Variants in LRFN5 observed in about 807,000 individuals in gnomAD.
The protein encoded by LRFN5 is leucine-rich repeat and fibronectin type-III domain-containing protein 5.
In LRFN5, 24 loss-of-function variants were observed where a neutral mutation model predicts 45.6. The ratio of observed to expected loss-of-function variants is 0.53; its 90% CI spans 0.38 to 0.74. The LOEUF is 0.74. LRFN5 is among the 30% of genes least tolerant of loss of function. The probability of loss-of-function intolerance (pLI) is 0.00; values close to 1 mark genes in which losing one functional copy is unlikely to be tolerated. For missense variants in LRFN5, 776 were observed against 861.5 expected, an observed-to-expected ratio of 0.90 and a Z score of 1.24; for synonymous variants, 340 against 313.8, an observed-to-expected ratio of 1.08 and a Z score of -0.88.
intron 2 of LRFN5, among the ~76,000 whole-genome samples, chr14:41,862,606 A>T (rs546389966): frequency 1.3e-5 from 2 of 152,286 alleles, no homozygotes; most frequent in South Asian, 4.1e-4. Flanking sequence ...TTATACATGC[A>T]CATACAACAT....
chr14:41,685,042 T>G (rs970205997), intron 1 of LRFN5, among the ~76,000 whole-genome samples: 1 of 152,156 alleles, frequency 6.6e-6, no homozygotes, highest in African/African-American at 2.4e-5. Context: ...AACTGGTATG[T>G]GAAAAGGTGC....
At chr14:41,646,734 T>C (rs978022413) in intron 1 of LRFN5, among the ~76,000 whole-genome samples, 29 of 152,256 alleles carry the variant, frequency 1.9e-4, no homozygotes, top group African/African-American at 6.8e-4. Flanking sequence ...ATGCTGTGCA[T>C]GACAATGCTC....
intron 2 of LRFN5, among the ~76,000 whole-genome samples, chr14:41,782,146 G>C (rs1886551502): frequency 6.6e-6 from 1 of 151,738 alleles, no homozygotes; most frequent in South Asian, 2.1e-4. Flanking sequence ...TCCTTCTGCT[G>C]TTCCAGACTT....
intron 2 of LRFN5, among the ~76,000 whole-genome samples, chr14:41,873,570 C>G (rs1172128732): frequency 6.6e-6 from 1 of 152,116 alleles, no homozygotes; most frequent in Non-Finnish European, 1.5e-5. Flanking sequence ...TTTATACCCT[C>G]AGTAAATTCA....
At chr14:41,768,604 A>G (rs4904788) in intron 2 of LRFN5, among the ~76,000 whole-genome samples, 29,480 of 152,046 alleles carry the variant, frequency 0.19, 3,405 homozygotes, top group East Asian at 0.54. Flanking sequence ...GAGACAGAGG[A>G]CACTGTCCAA....
chr14:41,701,557 G>A (rs1882842070), intron 1 of LRFN5: 1 of 152,182 alleles, frequency 6.6e-6, no homozygotes, highest in South Asian at 2.1e-4. Flanking sequence ...GTAAGTGGAC[G>A]TTTCTGATTT....
rs80126610 is a variant in LRFN5, at chr14:41,876,017, A to C, written c.-20-10589A>C. On this transcript the variant is annotated intron_variant, in intron 2 of 5. Transcript: ENST00000298119. ...TACATATATAACCTGAAAGATACAT[A>C]TGTATACATGTAAGGGAGATATCCC... is the stretch of plus-strand genomic sequence containing the variant. Among the ~76,000 whole-genome samples the C allele has an allele frequency of 2.1e-3, 315 of 152,234 alleles. 5 individuals are homozygous for C. The highest frequency in any genetic ancestry group is 7.4e-3 in the African/African-American group (307 of 41,546).
intron 2 of LRFN5, among the ~76,000 whole-genome samples, chr14:41,794,845 G>T (rs1887061302): frequency 6.6e-6 from 1 of 151,978 alleles, no homozygotes; most frequent in Admixed American, 6.6e-5. Flanking sequence ...GGGTTTTCTT[G>T]TTCCATATTT....
chr14:41,681,968 G>A (rs1476969250), intron 1 of LRFN5, among the ~76,000 whole-genome samples: 6 of 151,720 alleles, frequency 4.0e-5, no homozygotes, highest in South Asian at 2.1e-4. Flanking sequence ...ACAGGCGTGC[G>A]CCATCATGCC....
intron 4 of LRFN5, among the ~76,000 whole-genome samples, 177 bp from the exon 5 acceptor site, chr14:41,898,740 A>G (rs1891015915): frequency 6.6e-6 from 1 of 152,064 alleles, no homozygotes; most frequent in African/African-American, 2.4e-5. Flanking sequence ...GAACTGAAAT[A>G]TTATAAAAGT....
chr14:41,681,654 G>T (rs745683341), intron 1 of LRFN5, among the ~76,000 whole-genome samples: 27 of 151,906 alleles, frequency 1.8e-4, no homozygotes, highest in Non-Finnish European at 3.2e-4. Context: ...GAGTTCTTCA[G>T]ACTGAAAGAA....
intron 2 of LRFN5, among the ~76,000 whole-genome samples, chr14:41,859,248 T>C (rs1353666880): frequency 6.6e-6 from 1 of 152,188 alleles, no homozygotes; most frequent in Middle Eastern, 3.2e-3. Context: ...CTACATGTCA[T>C]GAAAAATCAG....
chr14:41,608,374 C>A lies in LRFN5; in HGVS notation c.-385C>A, dbSNP rs544592515. ...TCCCCCACCCAGAGCGACCTGCGGG[C>A]AGCGGCGGCAGTGGCAGGAGCCGCC... On this transcript the variant is annotated 5_prime_UTR_variant, in exon 1 of 6. Transcript: ENST00000298119. 1.7e-3 allele frequency: 258 copies of A among 152,868 alleles called. 1 individual carries two copies. Among genetic ancestry groups the A allele is most frequent in the Middle Eastern group, 0.01 (3 of 294 alleles). 9.5% of individuals were successfully genotyped at this position (152,868 alleles called of 1,614,324 possible).
At chr14:41,626,153 T>TA (rs1888323819) in intron 1 of LRFN5, among the ~76,000 whole-genome samples, 1 of 152,112 alleles carries the variant, frequency 6.6e-6, no homozygotes, top group African/African-American at 2.4e-5. Context: ...CTTGTTAATG[T>TA]AAAAATTCAT....
intron 1 of LRFN5, chr14:41,700,574 G>T (rs10141927): frequency 0.27 from 41,583 of 151,588 alleles, 5,738 homozygotes; most frequent in South Asian, 0.38. Context: ...GCATGTGTAA[G>T]ACAGAAAAGA....
At chr14:41,801,787 G>T (rs1887344286) in intron 2 of LRFN5, among the ~76,000 whole-genome samples, 1 of 152,148 alleles carries the variant, frequency 6.6e-6, no homozygotes, top group Non-Finnish European at 1.5e-5. Flanking sequence ...ATGAAAGAAT[G>T]CCTTAAAAAC....
chr14:41,640,758 CAAAT>C (rs1879537991), intron 1 of LRFN5, among the ~76,000 whole-genome samples: 1 of 152,064 alleles, frequency 6.6e-6, no homozygotes, highest in Non-Finnish European at 1.5e-5. Flanking sequence ...CTGTAACAAA[CAAAT>C]AATATCTAGT....
intron 1 of LRFN5, among the ~76,000 whole-genome samples, chr14:41,751,631 G>T (rs1885136056): frequency 6.6e-6 from 1 of 152,052 alleles, no homozygotes; most frequent in Non-Finnish European, 1.5e-5. Flanking sequence ...AGGATGCAGA[G>T]AAGTCAGTTT....
At chr14:41,812,255 C>A (rs1275460623) in intron 2 of LRFN5, among the ~76,000 whole-genome samples, 1 of 151,754 alleles carries the variant, frequency 6.6e-6, no homozygotes, top group Admixed American at 6.6e-5. Flanking sequence ...ACAAAATGAT[C>A]AAAACAGGTC....
Sources: gnomAD v4.1 joint callset for allele counts (sites outside exome capture counted in the v4.1 genomes callset) on GRCh38, gnomAD v4.1.1 for gene constraint, MANE v1.5 for transcripts, NCBI Gene and HGNC (gene_info 2026-07-23, HGNC 2026-07-21) for gene names.